Variants in GLB1L3 observed in about 807,000 individuals in gnomAD.
GLB1L3 encodes the protein beta-galactosidase-1-like protein 3.
A neutral mutation model predicts 89.5 loss-of-function variants in GLB1L3; 89 were observed. The ratio of observed to expected loss-of-function variants is 0.99; its 90% CI spans 0.84 to 1.19. The LOEUF is 1.19. GLB1L3 is among the 50% of genes most tolerant of loss of function. The pLI, the probability that GLB1L3 is intolerant of heterozygous loss-of-function variation, is 0.00. For synonymous variants in GLB1L3, 314 were observed against 312.3 expected (o/e 1.01, Z -0.06); for missense variants, 812 against 813.3 (o/e 1.00, Z 0.02).
rs538737139 is a variant in GLB1L3, at chr11:134,313,058, TG to T, written c.1500+173del. On this transcript the variant is annotated intron_variant, in intron 15 of 19. Transcript: ENST00000431683. ...GGAAGCCAAAGTGCCTCCCAGGCCCTGGCCCCTCAGGAGCTACCGCATGTGT... is the reference window on the plus strand; with the variant it reads ...GGAAGCCAAAGTGCCTCCCAGGCCCTGCCCCTCAGGAGCTACCGCATGTGT... Among the ~76,000 whole-genome samples the T allele has an allele frequency of 2.3e-3, 346 of 152,304 alleles. 4 individuals are homozygous for T. The highest frequency in any genetic ancestry group is 8.0e-3 in the African/African-American group (332 of 41,566).
Position 134,313,968 on chromosome 11 carries a change from ACT to A in GLB1L3, c.1610_1611del (p.Ser537PhefsTer18), listed in dbSNP as rs761786456. The A allele has an allele frequency of 3.1e-6, 5 of 1,612,502 alleles. No individual in the cohort carries two copies. Among genetic ancestry groups the A allele is most frequent in the African/African-American group, 2.7e-5 (2 of 74,930 alleles). ...ATAACTGGATCTGTCAGCATCAATAACTCTTCCCTGGAGGGCTTTACCATCTA... is the reference window on the plus strand; with the variant it reads ...ATAACTGGATCTGTCAGCATCAATAACTTCCCTGGAGGGCTTTACCATCTA... On this transcript the variant is annotated frameshift_variant, in exon 17 of 20. Coordinates refer to ENST00000431683, the MANE Select transcript of GLB1L3 (RefSeq NM_001080407.3). LOFTEE classifies it high-confidence loss of function.
chr11:134,293,016 C>G (rs1462795511), intron 8 of GLB1L3, 129 bp from the exon 9 acceptor site: 6 of 736,626 alleles, frequency 8.1e-6, no homozygotes, highest in Non-Finnish European at 1.5e-5. Flanking sequence ...GGGGTCCAGA[C>G]AGCATCTCGC....
intron 9 of GLB1L3, among the ~76,000 whole-genome samples, chr11:134,297,859 C>CAAAAA (rs34354899): frequency 5.0e-5 from 5 of 100,986 alleles, no homozygotes; most frequent in African/African-American, 1.1e-4. Flanking sequence ...GACTCTGTCT[C>CAAAAA]AAAAAAAAAA....
chr11:134,305,573 C>T (rs568794927), intron 9 of GLB1L3, among the ~76,000 whole-genome samples: 1 of 152,142 alleles, frequency 6.6e-6, no homozygotes, highest in Non-Finnish European at 1.5e-5. Flanking sequence ...ACAATTTTAA[C>T]ACCAGAAGTC....
Position 134,313,343 on chromosome 11 carries a change from G to T in GLB1L3, c.1501-53G>T, listed in dbSNP as rs1942833171. 9 of 1,436,510 alleles carry T rather than the reference G, an allele frequency of 6.3e-6. 1 individual carries two copies. The African/African-American group carries it at 8.5e-5, about 14-fold the overall frequency. The allele number at this position is 1,436,510 out of a possible 1,614,324, so 89.0% of individuals were successfully genotyped here. A position where few individuals can be genotyped will look rare whatever the true frequency, so the allele number is the denominator to read the frequency against. ...GACTCAGTGAAAAAACGGGTTGTCG[G>T]GTAGACGCCCTCCATGGCTGCGTGG... On this transcript the variant is annotated intron_variant, in intron 15 of 19. Transcript: ENST00000431683.
At chr11:134,294,725 G>T (rs189198497) in intron 9 of GLB1L3, among the ~76,000 whole-genome samples, 1 of 152,294 alleles carries the variant, frequency 6.6e-6, no homozygotes, top group African/African-American at 2.4e-5. Context: ...ACATAAGCGC[G>T]CTCATGCAGT....
At chr11:134,308,488 A>ACG (rs1661792539) in intron 10 of GLB1L3, among the ~76,000 whole-genome samples, 2 of 6,342 alleles carry the variant, frequency 3.2e-4, no homozygotes, top group African/African-American at 1.5e-3. Context: ...CACCACCACC[A>ACG]TCACCACCAA....
At chr11:134,303,803 T>C (rs542774674) in intron 9 of GLB1L3, among the ~76,000 whole-genome samples, 1 of 152,296 alleles carries the variant, frequency 6.6e-6, no homozygotes, top group African/African-American at 2.4e-5. Context: ...GGATCAGTTT[T>C]CTTCTGCTTG....
At chr11:134,321,969 A>G (rs960313242), downstream of GLB1L3, among the ~76,000 whole-genome samples, 2 of 152,238 alleles carry the variant, frequency 1.3e-5, no homozygotes, top group Non-Finnish European at 2.9e-5. Flanking sequence ...GAATAAATAC[A>G]GATATATCAG....
chr11:134,277,422 G>A lies in GLB1L3; in HGVS notation c.120G>A (p.Met40Ile), dbSNP rs765952222. ...GGTTTAAGCAGGAAGAGAACTTCAT[G>A]CTTGGAAGAGCGCATCCGTCCCAGC... The part of the protein sequence containing the change: ...APRFKQEENF[M>I]LGRAHPSQPR... The change falls in exon 2 of 20, where the codon ATG becomes ATA. Residue 40 changes from methionine to isoleucine, a missense_variant. Transcript: ENST00000431683. The A allele has an allele frequency of 6.2e-7, 1 of 1,613,774 alleles. No individual in the cohort carries two copies. Among genetic ancestry groups the A allele is most frequent in the African/African-American group, 1.3e-5 (1 of 75,044 alleles).
intron 6 of GLB1L3, among the ~76,000 whole-genome samples, chr11:134,287,903 T>C (rs1358114276): frequency 1.3e-5 from 2 of 152,142 alleles, no homozygotes; most frequent in African/African-American, 4.8e-5. Flanking sequence ...CAGCATTCTT[T>C]TGTCCAAGAG....
chr11:134,287,326 G>T (rs760927820), intron 6 of GLB1L3: 9 of 152,210 alleles, frequency 5.9e-5, no homozygotes, highest in Non-Finnish European at 1.2e-4. Context: ...GGAATTATAA[G>T]GGTAAGTGAA....
chr11:134,314,322 T>C lies in GLB1L3; in HGVS notation c.1668-8T>C, dbSNP rs1284199391. The stretch of plus-strand genomic sequence containing the variant: ...TTCTTCTCCCCCATGGCTTGGCCTT[T>C]CTTCCAGGCTCCGCTCTGCCACCTG... On this transcript the variant is annotated splice_region_variant and splice_polypyrimidine_tract_variant and intron_variant, in intron 17 of 19. Coordinates refer to ENST00000431683, the MANE Select transcript of GLB1L3 (RefSeq NM_001080407.3). 1.3e-6 allele frequency: 2 copies of C among 1,538,584 alleles called. No individual in the cohort carries two copies. Among genetic ancestry groups the C allele is most frequent in the Non-Finnish European group, 8.8e-7 (1 of 1,140,356 alleles).
rs930871114 is a variant in GLB1L3 at position 134,307,045 on chromosome 11, C to T, written c.877-79C>T. 46 of 929,152 alleles carry T rather than the reference C, an allele frequency of 5.0e-5. No homozygotes were observed. The East Asian group carries it at 1.0e-3, about 21-fold the overall frequency. The allele number at this position is 929,152 out of a possible 1,614,324, so 57.6% of individuals were successfully genotyped here. The stretch of plus-strand genomic sequence containing the variant: ...GAGAAACGCATGAGTTCCTTAGTTC[C>T]CATCTATTGCATTCAGGTTTTCTGA... On this transcript the variant is annotated intron_variant, in intron 9 of 19. Coordinates refer to ENST00000431683, the MANE Select transcript of GLB1L3 (RefSeq NM_001080407.3).
At position 134,277,639 on chromosome 11, in the gene GLB1L3, C is replaced by T. The variant is rs1281253974; in HGVS notation, c.150-61C>T. ...TTCGCTAGGGTTTCAGCCGTGCCTC[C>T]GAGCCCTCTCCCGAATCCTCTCTCC... On this transcript the variant is annotated intron_variant, in intron 2 of 19. Coordinates refer to ENST00000431683, the MANE Select transcript of GLB1L3 (RefSeq NM_001080407.3). The T allele has an allele frequency of 3.9e-6, 6 of 1,551,034 alleles. No individual in the cohort carries two copies. In the African/African-American group the frequency reaches 4.1e-5, roughly 11 times the overall value.
intron 13 of GLB1L3, chr11:134,311,750 G>A (rs532341449): frequency 6.6e-6 from 1 of 152,582 alleles, no homozygotes; most frequent in South Asian, 2.1e-4. Flanking sequence ...CATTTGCTTG[G>A]TGCCTCATTC....
chr11:134,291,925 T>C (rs1232485163), intron 7 of GLB1L3, among the ~76,000 whole-genome samples: 1 of 152,192 alleles, frequency 6.6e-6, no homozygotes, highest in African/African-American at 2.4e-5. Flanking sequence ...TAGTGAGCTA[T>C]GATCGTGCCA....
intron 17 of GLB1L3, 107 bp from the exon 18 acceptor site, chr11:134,314,223 C>G (rs1942882489): frequency 1.3e-6 from 1 of 777,824 alleles, no homozygotes; most frequent in Non-Finnish European, 2.1e-6. Flanking sequence ...TCTACTCTAT[C>G]TCATTGAAAC....
intron 9 of GLB1L3, chr11:134,304,987 C>T: frequency 2.3e-6 from 2 of 879,904 alleles, no homozygotes; most frequent in Admixed American, 3.4e-5. Flanking sequence ...GCTGTGAGAG[C>T]CCGCATGCGA....
Sources: allele counts gnomAD v4.1 joint callset (sites outside exome capture counted in the v4.1 genomes callset), GRCh38; gene constraint gnomAD v4.1.1; transcripts MANE v1.5; gene names NCBI Gene and HGNC (gene_info 2026-07-23, HGNC 2026-07-21).